Variants in F13A1 observed in about 807,000 individuals in gnomAD.
F13A1 encodes coagulation factor XIII A chain.
A neutral mutation model predicts 80.1 loss-of-function variants in F13A1; 47 were observed. The observed-to-expected ratio is 0.59, with a 90% CI of 0.46 to 0.75. F13A1 has a LOEUF of 0.75. Ranked by LOEUF, F13A1 falls within the 30% of genes least tolerant of loss-of-function variation. The pLI, the probability that F13A1 is intolerant of heterozygous loss-of-function variation, is 0.00. For missense variants in F13A1, 817 were observed against 930.4 expected (o/e 0.88, Z 1.59); for synonymous variants, 349 against 344.9 (o/e 1.01, Z -0.13).
At chr6:6,221,801 G>A (rs1437971446) in intron 8 of F13A1, among the ~76,000 whole-genome samples, 14 of 152,082 alleles carry the variant, frequency 9.2e-5, no homozygotes, top group Non-Finnish European at 1.8e-4. Context: ...CCTTTTTTTG[G>A]TGGTTGCTAT....
intron 3 of F13A1, among the ~76,000 whole-genome samples, chr6:6,292,744 C>T (rs1339142466): frequency 6.6e-6 from 1 of 152,178 alleles, no homozygotes. Flanking sequence ...AATGCTTGAG[C>T]GGGTGATGAA....
At chr6:6,280,761 T>A (rs1462151774) in intron 3 of F13A1, among the ~76,000 whole-genome samples, 2 of 152,208 alleles carry the variant, frequency 1.3e-5, no homozygotes, top group Non-Finnish European at 2.9e-5. Context: ...TTTCCTCTGG[T>A]CATGTGTTCC....
rs1184821894 is a variant in F13A1, at chr6:6,243,237, TCCACCA to T, written c.798+5069_798+5074del. Among the ~76,000 whole-genome samples the T allele has an allele frequency of 6.8e-6, 1 of 146,586 alleles. No homozygotes were observed. The highest frequency in any genetic ancestry group is 2.5e-5 in the African/African-American group (1 of 39,586). ...CACCACCACCATCACCGTCACCATC[TCCACCA>T]CCACCATCACCATCATCATCACTAT... On this transcript the variant is annotated intron_variant, in intron 6 of 14. Coordinates refer to ENST00000264870, the MANE Select transcript of F13A1 (RefSeq NM_000129.4). This position sits in a 1 kb window ranked among gnomAD's most constrained non-coding sequence, Gnocchi z 4.2.
intron 13 of F13A1, among the ~76,000 whole-genome samples, chr6:6,165,582 A>G (rs1437349366): frequency 6.6e-6 from 1 of 152,210 alleles, no homozygotes; most frequent in Non-Finnish European, 1.5e-5. Flanking sequence ...GGTTGAGCTC[A>G]TAAATGAAAC....
chr6:6,255,696 C>T (rs1034007455), intron 4 of F13A1, among the ~76,000 whole-genome samples: 11 of 152,062 alleles, frequency 7.2e-5, no homozygotes, highest in African/African-American at 2.7e-4. Context: ...GAGAGGAGTT[C>T]TGGAGCTCCA....
chr6:6,163,045 A>G (rs1314796652), intron 13 of F13A1, among the ~76,000 whole-genome samples: 1 of 152,230 alleles, frequency 6.6e-6, no homozygotes, highest in Non-Finnish European at 1.5e-5. Flanking sequence ...AGCTGCTGTC[A>G]TCATAATCAC....
intron 11 of F13A1, among the ~76,000 whole-genome samples, chr6:6,176,014 C>G (rs1442726453): frequency 6.6e-6 from 1 of 152,222 alleles, no homozygotes; most frequent in Non-Finnish European, 1.5e-5. Flanking sequence ...GGCTTGGAAA[C>G]AGGGCTCATG....
intron 6 of F13A1, among the ~76,000 whole-genome samples, chr6:6,239,479 T>G (rs1757457305): frequency 6.6e-6 from 1 of 152,064 alleles, no homozygotes; most frequent in Non-Finnish European, 1.5e-5. Flanking sequence ...TTAAAAAAAA[T>G]CCTGTAACTA....
intron 7 of F13A1, among the ~76,000 whole-genome samples, chr6:6,223,749 T>A (rs3024405): frequency 0.46 from 69,517 of 151,688 alleles, 16,698 homozygotes; most frequent in East Asian, 0.65. Context: ...AACAAATAGG[T>A]TTTGTAATCA....
intron 6 of F13A1, among the ~76,000 whole-genome samples, chr6:6,246,107 T>G (rs1757552110): frequency 6.6e-6 from 1 of 152,232 alleles, no homozygotes. Flanking sequence ...CTTTTCATAC[T>G]AATAAAGTCA....
intron 3 of F13A1, among the ~76,000 whole-genome samples, chr6:6,289,431 T>TAC (rs58774884): frequency 0.1 from 15,424 of 149,516 alleles, 845 homozygotes; most frequent in Admixed American, 0.15. Context: ...ACTATGCAAA[T>TAC]ACACACACAC....
chr6:6,268,648 A>ATGCT (rs1268259987), intron 3 of F13A1, among the ~76,000 whole-genome samples: 1 of 150,914 alleles, frequency 6.6e-6, no homozygotes, highest in Non-Finnish European at 1.5e-5. Flanking sequence ...TGAAAGCTTT[A>ATGCT]TGCTTAGCAC....
chr6:6,245,637 C>T (rs763940423), intron 6 of F13A1, among the ~76,000 whole-genome samples: 15 of 152,196 alleles, frequency 9.9e-5, no homozygotes, highest in Non-Finnish European at 1.9e-4. Context: ...CAGTGCTAGA[C>T]TTGTCCTGGA....
chr6:6,183,018 A>G (rs886721049), intron 10 of F13A1, among the ~76,000 whole-genome samples: 1 of 152,148 alleles, frequency 6.6e-6, no homozygotes, highest in Admixed American at 6.5e-5. Context: ...AGCTCTCCCA[A>G]GGCTCTGCTT....
At chr6:6,294,476 A>G (rs748170563) in intron 3 of F13A1, among the ~76,000 whole-genome samples, 2 of 151,972 alleles carry the variant, frequency 1.3e-5, no homozygotes, top group Non-Finnish European at 1.5e-5. Flanking sequence ...TGACCATATA[A>G]ATTAATACTT....
At position 6,190,297 on chromosome 6, in the gene F13A1, G is replaced by A. The variant is rs554099718; in HGVS notation, c.1305+5500C>T. On this transcript the variant is annotated intron_variant, in intron 10 of 14. Transcript: ENST00000264870. The stretch of plus-strand genomic sequence containing the variant: ...TGCGTTCCTTTGGAGGAGGAGAGGC[G>A]CTCTTCTTTCTAGAGTTTCCAGTTT... 3.3e-5 allele frequency among the ~76,000 whole-genome samples: 5 copies of A among 152,306 alleles called. No homozygotes were observed. The South Asian group carries it at 6.2e-4, about 19-fold the overall frequency.
At chr6:6,275,440 G>A (rs1392118952) in intron 3 of F13A1, among the ~76,000 whole-genome samples, 1 of 152,132 alleles carries the variant, frequency 6.6e-6, no homozygotes, top group East Asian at 1.9e-4. Flanking sequence ...TGCCATCTCA[G>A]CTCATTGTAA....
At chr6:6,298,043 T>C (rs560077233) in intron 3 of F13A1, among the ~76,000 whole-genome samples, 18 of 151,374 alleles carry the variant, frequency 1.2e-4, no homozygotes, top group African/African-American at 2.2e-4. Context: ...TCAGTTTCCA[T>C]GTAGTTGAGC....
chr6:6,156,239 A>G (rs1043254970), intron 13 of F13A1, among the ~76,000 whole-genome samples: 1 of 152,232 alleles, frequency 6.6e-6, no homozygotes. Context: ...CCTGTCCTTT[A>G]TACTAATTCA....
Sources: gnomAD v4.1 joint callset for allele counts (sites outside exome capture counted in the v4.1 genomes callset) on GRCh38, gnomAD v4.1.1 for gene constraint, Gnocchi (gnomAD v3.1) non-coding constraint, MANE v1.5 for transcripts, NCBI Gene and HGNC (gene_info 2026-07-23, HGNC 2026-07-21) for gene names.